Variants in TMEM45A observed in about 807,000 individuals in gnomAD.
TMEM45A encodes transmembrane protein 45A.
TMEM45A carries 25 observed loss-of-function variants against 32.0 expected under a neutral mutation model. That is an observed-to-expected ratio of 0.78 (90% CI 0.57 to 1.09). The LOEUF (loss-of-function observed/expected upper bound fraction) is 1.09. Among genes scored for constraint, TMEM45A ranks in the 50% least tolerant of loss-of-function variants. The probability of loss-of-function intolerance (pLI) is 0.00; values close to 1 mark genes in which losing one functional copy is unlikely to be tolerated. For synonymous variants in TMEM45A, 122 were observed against 114.8 expected (o/e 1.06, Z -0.40); for missense variants, 302 against 325.0 (o/e 0.93, Z 0.54).
At chr3:100,515,276 C>T (rs534207194) in intron 1 of TMEM45A, among the ~76,000 whole-genome samples, 125 of 152,026 alleles carry the variant, frequency 8.2e-4, no homozygotes, top group Non-Finnish European at 1.4e-3. Context: ...GGCACATATA[C>T]ACCATGGAAT....
At chr3:100,562,225 T>A (rs1324145611) in intron 4 of TMEM45A, among the ~76,000 whole-genome samples, 1 of 152,238 alleles carries the variant, frequency 6.6e-6, no homozygotes, top group Admixed American at 6.5e-5. Flanking sequence ...GATTGAGGTT[T>A]TTTTTTGGAA....
intron 1 of TMEM45A, among the ~76,000 whole-genome samples, chr3:100,497,099 C>T (rs1223564891): frequency 1.3e-5 from 2 of 152,172 alleles, no homozygotes; most frequent in Non-Finnish European, 1.5e-5. Context: ...TGTATTGAAT[C>T]AACTTTAAAA....
chr3:100,551,010 CT>C (rs747148114), intron 1 of TMEM45A, among the ~76,000 whole-genome samples: 3,836 of 119,578 alleles, frequency 0.032, 64 homozygotes, highest in African/African-American at 0.13. Flanking sequence ...GGGTGAACTG[CT>C]TTTTTTTTTT....
At chr3:100,533,050 G>A (rs769394203) in intron 1 of TMEM45A, among the ~76,000 whole-genome samples, 9 of 152,052 alleles carry the variant, frequency 5.9e-5, no homozygotes, top group Non-Finnish European at 1.3e-4. Context: ...TAATTATGAT[G>A]ATTAAATTAA....
intron 1 of TMEM45A, among the ~76,000 whole-genome samples, chr3:100,507,685 C>T (rs915302902): frequency 6.6e-6 from 1 of 152,016 alleles, no homozygotes; most frequent in South Asian, 2.1e-4. Context: ...TCATGACCAC[C>T]ATGATGGTCT....
chr3:100,562,776 G>C (rs377512028), intron 4 of TMEM45A, among the ~76,000 whole-genome samples: 80 of 152,258 alleles, frequency 5.3e-4, no homozygotes, highest in Non-Finnish European at 8.1e-4. Flanking sequence ...ATATCTCATG[G>C]GGTTATTGGG....
chr3:100,494,488 G>C (rs62276522), intron 1 of TMEM45A, among the ~76,000 whole-genome samples: 33,376 of 151,832 alleles, frequency 0.22, 3,983 homozygotes, highest in East Asian at 0.36. Flanking sequence ...TGGGTGTGGT[G>C]GTGCGCACCT....
intron 5 of TMEM45A, chr3:100,573,745 A>C (rs1483255391): frequency 6.6e-6 from 1 of 152,154 alleles, no homozygotes; most frequent in Non-Finnish European, 1.5e-5. Context: ...GGTTTCATAG[A>C]TAGCTTTTAT....
chr3:100,559,121 G>A (rs1028689516), intron 4 of TMEM45A, among the ~76,000 whole-genome samples: 4 of 152,148 alleles, frequency 2.6e-5, no homozygotes, highest in African/African-American at 4.8e-5. Flanking sequence ...CATCTGACCC[G>A]AGGCCGCAGG....
At chr3:100,563,030 T>G (rs2148989211) in intron 4 of TMEM45A, among the ~76,000 whole-genome samples, 1 of 152,274 alleles carries the variant, frequency 6.6e-6, no homozygotes, top group East Asian at 1.9e-4. Context: ...CAAGAGAAAT[T>G]TATTCTTTTA....
chr3:100,520,827 T>A (rs2148947293), intron 1 of TMEM45A, among the ~76,000 whole-genome samples: 1 of 152,254 alleles, frequency 6.6e-6, no homozygotes, highest in South Asian at 2.1e-4. Flanking sequence ...TCTCACTTTC[T>A]CCGTCTTGGT....
At position 100,558,464 on chromosome 3, in the gene TMEM45A, C is replaced by G. The variant is rs1306019051; in HGVS notation, c.463C>G (p.Leu155Val). The G allele has an allele frequency of 6.2e-7, 1 of 1,614,136 alleles. No homozygotes were observed. The change falls in exon 4 of 6, where the codon CTG (leucine) becomes GTG (valine). Residue 155 changes from leucine (L) to valine (V), a missense_variant. By Grantham distance (32) the Leu-to-Val change is conservative (BLOSUM62 1). Transcript: ENST00000323523. ...AATGCTGGACATCTTTGTGCACCAG[C>G]TGCTGGTTTTGGTCGTCTTTCTGAC... is the stretch of plus-strand genomic sequence containing the variant. ...REMLDIFVHQ[L>V]LVLVVFLTGL...
intron 1 of TMEM45A, among the ~76,000 whole-genome samples, chr3:100,509,975 C>T (rs535057541): frequency 1.1e-4 from 16 of 152,152 alleles, no homozygotes; most frequent in East Asian, 1.9e-4. Flanking sequence ...CCTACGCCCA[C>T]GGAGTCTTGC....
chr3:100,561,484 G>A (rs903361356), intron 4 of TMEM45A, among the ~76,000 whole-genome samples: 3 of 152,044 alleles, frequency 2.0e-5, no homozygotes, highest in Admixed American at 1.3e-4. Flanking sequence ...ATAAATGATT[G>A]GGTAATACGT....
chr3:100,505,311 G>A (rs1270484513), intron 1 of TMEM45A, among the ~76,000 whole-genome samples: 1 of 152,226 alleles, frequency 6.6e-6, no homozygotes, highest in African/African-American at 2.4e-5. Flanking sequence ...GACAGCCATA[G>A]TTTCTAGGAA....
intron 1 of TMEM45A, among the ~76,000 whole-genome samples, chr3:100,547,981 A>C (rs1253844274): frequency 6.6e-6 from 1 of 152,074 alleles, no homozygotes; most frequent in East Asian, 1.9e-4. Flanking sequence ...GTCATTTTAG[A>C]TGTTTGGTTA....
chr3:100,523,212 GA>G (rs1705469670), intron 1 of TMEM45A, among the ~76,000 whole-genome samples: 1 of 152,192 alleles, frequency 6.6e-6, no homozygotes, highest in African/African-American at 2.4e-5. Flanking sequence ...ACGTTCTGCT[GA>G]TGTTGTCTGT....
At chr3:100,494,871 C>T (rs1412708771) in intron 1 of TMEM45A, among the ~76,000 whole-genome samples, 1 of 152,154 alleles carries the variant, frequency 6.6e-6, no homozygotes, top group Non-Finnish European at 1.5e-5. Flanking sequence ...AGAGTTTCCT[C>T]CTCTGTGGTG....
intron 4 of TMEM45A, 139 bp from the exon 5 acceptor site, chr3:100,568,683 A>T (rs1043817990): frequency 2.8e-6 from 2 of 725,060 alleles, no homozygotes; most frequent in Non-Finnish European, 4.4e-6. Flanking sequence ...CAGGCAGCAA[A>T]ACCTGATGTT....
Sources: gnomAD v4.1 joint callset for allele counts (sites outside exome capture counted in the v4.1 genomes callset) on GRCh38, gnomAD v4.1.1 for gene constraint, MANE v1.5 for transcripts, NCBI Gene and HGNC (gene_info 2026-07-23, HGNC 2026-07-21) for gene names.